The following MAML2 variants were observed in gnomAD, a reference collection of about 807,000 sequenced individuals.
MAML2 encodes mastermind-like protein 2.
Under a neutral mutation model 96.1 loss-of-function variants are expected in MAML2, and 22 were observed. The observed-to-expected ratio is 0.23, with a 90% CI of 0.16 to 0.33. The LOEUF (loss-of-function observed/expected upper bound fraction) is 0.33, where lower values mean the gene tolerates loss of function less well. MAML2 is among the 10% of genes least tolerant of loss of function. MAML2 has a pLI of 1.00. For synonymous variants in MAML2, 561 were observed against 521.3 expected (o/e 1.08, Z -1.04); for missense variants, 1,367 against 1,392.4 (o/e 0.98, Z 0.29).
At chr11:95,988,720 G>C (rs1436871535) in intron 3 of MAML2, among the ~76,000 whole-genome samples, 1 of 151,856 alleles carries the variant, frequency 6.6e-6, no homozygotes, top group East Asian at 1.9e-4. Flanking sequence ...TTGTGCTGAA[G>C]AGCAGCAAAG....
At chr11:96,332,396 T>C (rs1863865834) in intron 1 of MAML2, among the ~76,000 whole-genome samples, 1 of 152,186 alleles carries the variant, frequency 6.6e-6, no homozygotes, top group Admixed American at 6.5e-5. Flanking sequence ...AATGTTTAAT[T>C]TAGCACAAAG....
intron 1 of MAML2, among the ~76,000 whole-genome samples, chr11:96,223,646 T>A (rs1007529864): frequency 1.3e-5 from 2 of 152,182 alleles, no homozygotes; most frequent in African/African-American, 4.8e-5. Flanking sequence ...AGAGATTTGT[T>A]GTACAGATAA....
At chr11:96,329,829 CCT>C (rs1863830861) in intron 1 of MAML2, among the ~76,000 whole-genome samples, 2 of 152,230 alleles carry the variant, frequency 1.3e-5, no homozygotes, top group Non-Finnish European at 2.9e-5. Flanking sequence ...AGGGTAATTT[CCT>C]ATCAAAAAGA....
intron 1 of MAML2, among the ~76,000 whole-genome samples, chr11:96,121,282 C>T (rs1860336045): frequency 6.6e-6 from 1 of 152,120 alleles, no homozygotes; most frequent in Admixed American, 6.5e-5. Context: ...TAAGCAGACT[C>T]CCAGGGATAT....
At chr11:96,038,437 A>G (rs1858753530) in intron 2 of MAML2, among the ~76,000 whole-genome samples, 1 of 152,250 alleles carries the variant, frequency 6.6e-6, no homozygotes, top group African/African-American at 2.4e-5. Flanking sequence ...AAAACGCAAA[A>G]TAGATAAAAA....
intron 1 of MAML2, among the ~76,000 whole-genome samples, chr11:96,164,390 G>A (rs2135892775): frequency 6.6e-6 from 1 of 152,290 alleles, no homozygotes; most frequent in East Asian, 1.9e-4. Flanking sequence ...CAAGGCTACA[G>A]AACTAGTTAC....
At chr11:96,217,495 C>T (rs1040840567) in intron 1 of MAML2, among the ~76,000 whole-genome samples, 12 of 152,150 alleles carry the variant, frequency 7.9e-5, no homozygotes, top group East Asian at 3.9e-4. Flanking sequence ...CACTGTCCAC[C>T]GATAATTTAT....
At position 95,979,760 on chromosome 11, in the gene MAML2, T is replaced by C. The variant is rs531223956; in HGVS notation, c.2659A>G (p.Met887Val). The C allele has an allele frequency of 6.2e-7, 1 of 1,614,018 alleles. No homozygotes were observed. Among genetic ancestry groups the C allele is most frequent in the South Asian group, 1.1e-5 (1 of 91,078 alleles). ...QPNTYSVTSG[M>V]NQLTQQRNPK... The stretch of plus-strand genomic sequence containing the variant: ...TTTCTCTGTTGGGTCAATTGATTCA[T>C]TCCTGAAGTGACACTGTATGTGTTA... The change falls in exon 5 of 5, where the codon ATG becomes GTG. Residue 887 changes from methionine (M) to valine (V), a missense_variant. Physicochemically the swap from Met to Val is conservative, Grantham distance 21. Coordinates refer to ENST00000524717, the MANE Select transcript of MAML2 (RefSeq NM_032427.4).
At chr11:96,061,057 A>G (rs1317833699) in intron 2 of MAML2, among the ~76,000 whole-genome samples, 1 of 152,238 alleles carries the variant, frequency 6.6e-6, no homozygotes, top group Non-Finnish European at 1.5e-5. Flanking sequence ...ACAGACACAT[A>G]CATGAAAGAA....
At chr11:95,995,206 G>A (rs1857972943) in intron 2 of MAML2, among the ~76,000 whole-genome samples, 1 of 152,318 alleles carries the variant, frequency 6.6e-6, no homozygotes, top group African/African-American at 2.4e-5. Flanking sequence ...AGGTCTCTGA[G>A]AAATGTAGAG....
chr11:96,189,365 T>TA (rs1357683719), intron 1 of MAML2, among the ~76,000 whole-genome samples: 2 of 152,258 alleles, frequency 1.3e-5, no homozygotes, highest in Non-Finnish European at 2.9e-5. Flanking sequence ...GTAGTGTTTT[T>TA]ACATACCAAT....
At chr11:96,270,814 G>C (rs1341580003) in intron 1 of MAML2, among the ~76,000 whole-genome samples, 1 of 152,166 alleles carries the variant, frequency 6.6e-6, no homozygotes, top group Non-Finnish European at 1.5e-5. Flanking sequence ...CAAAAGTATT[G>C]TTCCTGGGTG....
chr11:96,031,782 G>C (rs1017381194), intron 2 of MAML2, among the ~76,000 whole-genome samples: 9 of 151,984 alleles, frequency 5.9e-5, no homozygotes, highest in Admixed American at 4.6e-4. Context: ...TCAGGAGATC[G>C]AGACCACCCT....
chr11:96,074,961 A>G (rs1478187374), intron 2 of MAML2, among the ~76,000 whole-genome samples: 1 of 152,202 alleles, frequency 6.6e-6, no homozygotes, highest in Non-Finnish European at 1.5e-5. Context: ...GGAAAAAAAG[A>G]TGAATTAAGT....
At chr11:96,252,174 T>TACAC (rs1491545323) in intron 1 of MAML2, among the ~76,000 whole-genome samples, 5 of 150,112 alleles carry the variant, frequency 3.3e-5, no homozygotes, top group South Asian at 2.1e-4. Flanking sequence ...TCTCTCTCTC[T>TACAC]ACACACACAC....
At chr11:96,199,325 G>T (rs1861782303) in intron 1 of MAML2, among the ~76,000 whole-genome samples, 1 of 151,974 alleles carries the variant, frequency 6.6e-6, no homozygotes. Flanking sequence ...CCCATGATAA[G>T]GTGGGCAGAA....
intron 1 of MAML2, among the ~76,000 whole-genome samples, chr11:96,280,416 T>G (rs1863048348): frequency 6.6e-6 from 1 of 152,200 alleles, no homozygotes; most frequent in Admixed American, 6.5e-5. Flanking sequence ...AAACTGTTAA[T>G]GAACTTTCTT....
chr11:96,141,621 G>A (rs1860731371), intron 1 of MAML2, among the ~76,000 whole-genome samples: 1 of 152,112 alleles, frequency 6.6e-6, no homozygotes, highest in Non-Finnish European at 1.5e-5. Context: ...ATAGAAAAAG[G>A]GGTGATTCTG....
chr11:96,053,643 CAG>C (rs1363810394), intron 2 of MAML2, among the ~76,000 whole-genome samples: 2 of 152,044 alleles, frequency 1.3e-5, no homozygotes, highest in African/African-American at 4.8e-5. Context: ...ACCAACATAA[CAG>C]AGGATGAATT....
Sources: gnomAD v4.1 joint callset for allele counts (sites outside exome capture counted in the v4.1 genomes callset) on GRCh38, gnomAD v4.1.1 for gene constraint, MANE v1.5 for transcripts, NCBI Gene and HGNC (gene_info 2026-07-23, HGNC 2026-07-21) for gene names.